The following NRXN3 variants were observed in gnomAD, a reference collection of about 807,000 sequenced individuals.
The protein encoded by NRXN3 is neurexin 3.
NRXN3 carries 32 observed loss-of-function variants against 137.6 expected under a neutral mutation model. The ratio of observed to expected loss-of-function variants is 0.23; its 90% CI spans 0.18 to 0.31. The LOEUF is 0.31. Among genes scored for constraint, NRXN3 ranks in the 10% least tolerant of loss-of-function variants. NRXN3 has a pLI of 1.00. For missense variants in NRXN3, 1,574 were observed against 2,062.5 expected, an observed-to-expected ratio of 0.76 and a Z score of 4.59; for synonymous variants, 798 against 784.5, an observed-to-expected ratio of 1.02 and a Z score of -0.29.
chr14:78,653,898 C>T (rs765600532), intron 6 of NRXN3, among the ~76,000 whole-genome samples: 2 of 152,146 alleles, frequency 1.3e-5, no homozygotes, highest in African/African-American at 2.4e-5. Context: ...GCTAGCAGCA[C>T]AAATATGCAT....
intron 16 of NRXN3, among the ~76,000 whole-genome samples, chr14:79,504,141 C>T (rs960114461): frequency 3.9e-5 from 6 of 152,170 alleles, no homozygotes; most frequent in Admixed American, 3.9e-4. Flanking sequence ...AATGACCTCT[C>T]TGAAGTGATT....
At chr14:79,257,425 T>G (rs2076801146) in intron 15 of NRXN3, among the ~76,000 whole-genome samples, 1 of 64,730 alleles carries the variant, frequency 1.5e-5, no homozygotes. Context: ...ATGGTGGTGA[T>G]GGTGGTGGTG....
At chr14:79,562,304 G>A (rs576458000) in intron 16 of NRXN3, among the ~76,000 whole-genome samples, 1 of 152,250 alleles carries the variant, frequency 6.6e-6, no homozygotes, top group Non-Finnish European at 1.5e-5. Context: ...CGAGTAGGAT[G>A]CATGTGAATG....
At chr14:78,677,857 C>G in intron 6 of NRXN3, among the ~76,000 whole-genome samples, 1 of 152,258 alleles carries the variant, frequency 6.6e-6, no homozygotes, top group South Asian at 2.1e-4. Context: ...CTGAGGCAGA[C>G]CCTACACCAG....
chr14:78,520,376 A>G (rs2096268707), intron 4 of NRXN3, among the ~76,000 whole-genome samples: 1 of 152,130 alleles, frequency 6.6e-6, no homozygotes, highest in Admixed American at 6.6e-5. Context: ...GATGCAATTT[A>G]TTAGTTGCTT....
At chr14:78,247,111 T>G (rs1047589982) in intron 2 of NRXN3, among the ~76,000 whole-genome samples, 14 of 152,340 alleles carry the variant, frequency 9.2e-5, no homozygotes, top group African/African-American at 3.4e-4. Context: ...TGGAGGCGCC[T>G]TCTGTGGTCC....
intron 15 of NRXN3, among the ~76,000 whole-genome samples, chr14:79,334,131 TA>T (rs2092041008): frequency 2.0e-5 from 3 of 152,142 alleles, no homozygotes; most frequent in Admixed American, 2.0e-4. Flanking sequence ...GGGATGGGGC[TA>T]AAAACAATAT....
chr14:79,759,502 A>G (rs1373648742), intron 19 of NRXN3, among the ~76,000 whole-genome samples: 4 of 151,854 alleles, frequency 2.6e-5, no homozygotes, highest in African/African-American at 9.7e-5. Flanking sequence ...CAATTAAAAA[A>G]AGCTATCTTC....
chr14:78,346,613 T>A (rs1478314333), intron 4 of NRXN3, among the ~76,000 whole-genome samples: 2 of 152,198 alleles, frequency 1.3e-5, no homozygotes, highest in African/African-American at 4.8e-5. Flanking sequence ...TGAGCTCTTC[T>A]GACTTCTCAA....
intron 15 of NRXN3, among the ~76,000 whole-genome samples, chr14:79,007,019 G>C (rs1206909595): frequency 2.0e-5 from 3 of 152,120 alleles, no homozygotes; most frequent in African/African-American, 7.2e-5. Flanking sequence ...TATATGTGCA[G>C]CATTTCTTTT....
In NRXN3 at chr14:79,272,682, A is replaced by G. The variant is rs1283854022; in HGVS notation, c.3263-194539A>G. On this transcript the variant is annotated intron_variant, in intron 15 of 20. Coordinates refer to ENST00000335750, the MANE Select transcript of NRXN3 (RefSeq NM_001330195.2). The stretch of plus-strand genomic sequence containing the variant: ...CCTACTCTGACAAATAATTACTTAT[A>G]AAACAATTCTGGGGTTTCATAGCCT... Among the ~76,000 whole-genome samples, 4 of 152,216 alleles carry G rather than the reference A, an allele frequency of 2.6e-5. No individual in the cohort carries two copies. The East Asian group carries it at 7.7e-4, about 29-fold the overall frequency.
intron 17 of NRXN3, among the ~76,000 whole-genome samples, chr14:79,688,359 T>C (rs1240481044): frequency 6.6e-6 from 1 of 152,146 alleles, no homozygotes; most frequent in Non-Finnish European, 1.5e-5. Flanking sequence ...TGGTCTTAAC[T>C]CCTATGCTGT....
chr14:79,358,877 G>A (rs374795835), intron 15 of NRXN3, among the ~76,000 whole-genome samples: 2 of 152,060 alleles, frequency 1.3e-5, no homozygotes, highest in South Asian at 4.1e-4. Context: ...TGACTTAAAA[G>A]AGAAAAAATT....
rs376791418 is a variant in NRXN3 at position 79,209,313 on chromosome 14, TA to T, written c.3262+221184del. Among the ~76,000 whole-genome samples the T allele has an allele frequency of 1.2e-3, 175 of 143,936 alleles. 4 individuals are homozygous for T. The South Asian group carries it at 0.022, about 18-fold the overall frequency. 94.4% of individuals were successfully genotyped at this position (143,936 alleles called of 152,430 possible). A position where few individuals can be genotyped will look rare whatever the true frequency, so the allele number is the denominator to read the frequency against. On this transcript the variant is annotated intron_variant, in intron 15 of 20. Transcript: ENST00000335750. ...TAAGGTGTTGTCTAGCAGTCTTTAT[TA>T]AAAAAAAAAAACAGAGGTCCAATCA...
At chr14:79,376,616 G>T (rs2094310311) in intron 15 of NRXN3, among the ~76,000 whole-genome samples, 1 of 152,076 alleles carries the variant, frequency 6.6e-6, no homozygotes, top group Admixed American at 6.6e-5. Flanking sequence ...GGTAGGCATT[G>T]TATAAAGATG....
intron 16 of NRXN3, among the ~76,000 whole-genome samples, chr14:79,600,668 AG>A (rs1355968083): frequency 6.6e-6 from 1 of 152,128 alleles, no homozygotes; most frequent in African/African-American, 2.4e-5. Flanking sequence ...ATGCCAGAAG[AG>A]TGGGGAGAGA....
intron 19 of NRXN3, among the ~76,000 whole-genome samples, chr14:79,738,796 T>C (rs554321318): frequency 6.6e-6 from 1 of 152,238 alleles, no homozygotes; most frequent in South Asian, 2.1e-4. Flanking sequence ...TGACCCCAAG[T>C]GATCCATCTG....
chr14:78,315,923 A>G (rs1358323712), intron 4 of NRXN3, among the ~76,000 whole-genome samples: 1 of 152,178 alleles, frequency 6.6e-6, no homozygotes, highest in Non-Finnish European at 1.5e-5. Flanking sequence ...TTGTAGATAT[A>G]TCTTAATCTC....
chr14:79,256,210 C>T (rs893569213), intron 15 of NRXN3, among the ~76,000 whole-genome samples: 2 of 151,910 alleles, frequency 1.3e-5, no homozygotes, highest in Non-Finnish European at 2.9e-5. Flanking sequence ...CACACACCCC[C>T]CAGAAGAGCA....
Sources: gnomAD v4.1 joint callset for allele counts (sites outside exome capture counted in the v4.1 genomes callset) on GRCh38, gnomAD v4.1.1 for gene constraint, MANE v1.5 for transcripts, NCBI Gene and HGNC (gene_info 2026-07-23, HGNC 2026-07-21) for gene names.